Variants in TNRC6C observed in about 807,000 individuals in gnomAD.
TNRC6C encodes trinucleotide repeat containing adaptor 6C.
Under a neutral mutation model 153.7 loss-of-function variants are expected in TNRC6C, and 20 were observed. That is an observed-to-expected ratio of 0.13 (90% confidence interval 0.09 to 0.19). The LOEUF (loss-of-function observed/expected upper bound fraction) is 0.19. Ranked by LOEUF, TNRC6C falls within the 10% of genes least tolerant of loss-of-function variation. TNRC6C has a pLI of 1.00. For missense variants in TNRC6C, 1,987 were observed against 2,172.0 expected (o/e 0.91, Z 1.69); for synonymous variants, 811 against 841.4 (o/e 0.96, Z 0.63).
At chr17:78,099,903 C>T (rs1481976155) in intron 17 of TNRC6C, among the ~76,000 whole-genome samples, 3 of 152,332 alleles carry the variant, frequency 2.0e-5, no homozygotes, top group Admixed American at 6.5e-5. Context: ...AATGGGGGTA[C>T]AGGCATTGGG....
intron 3 of TNRC6C, among the ~76,000 whole-genome samples, chr17:78,057,203 T>A (rs74934233): frequency 0.012 from 1,756 of 152,316 alleles, 31 homozygotes; most frequent in African/African-American, 0.04. Context: ...TTTATAACAT[T>A]AATCTCTTTT....
At chr17:77,997,930 A>G (rs147895676) in intron 1 of TNRC6C, among the ~76,000 whole-genome samples, 6,553 of 152,282 alleles carry the variant, frequency 0.043, 457 homozygotes, top group African/African-American at 0.15. Flanking sequence ...CTGGGATTAC[A>G]GGCGTGAGCC....
chr17:78,050,605 G>A, exon 3 of TNRC6C: 3 of 1,582,332 alleles, frequency 1.9e-6, no homozygotes, highest in Non-Finnish European at 2.6e-6. Context: ...CGCGCCACCT[G>A]CCGCTGTGCC....
At chr17:78,091,673 A>G (rs3764377) in intron 14 of TNRC6C, 66 bp downstream of exon 16, 104,397 of 1,331,088 alleles carry the variant, frequency 0.078, 4,665 homozygotes, top group East Asian at 0.19. Flanking sequence ...GTCCTGTTGT[A>G]TAGCATGGCC....
chr17:77,995,205 C>T (rs141506422), intron 1 of TNRC6C, among the ~76,000 whole-genome samples: 2 of 152,310 alleles, frequency 1.3e-5, no homozygotes, highest in African/African-American at 2.4e-5. Flanking sequence ...CCATGGCTCA[C>T]GGGGTGGCAG....
intron 1 of TNRC6C, among the ~76,000 whole-genome samples, chr17:77,988,179 C>G (rs762160107): frequency 6.6e-6 from 1 of 151,990 alleles, no homozygotes; most frequent in Non-Finnish European, 1.5e-5. Context: ...GGGTGAGACT[C>G]CGTCTCAAAA....
exon 13 of TNRC6C, chr17:78,087,080 T>C (rs1051489761): frequency 6.2e-7 from 1 of 1,612,028 alleles, no homozygotes; most frequent in South Asian, 1.1e-5. Context: ...ACACCTTTGC[T>C]CCTTACCCTC....
chr17:78,049,036 T>G lies in TNRC6C; in HGVS notation c.-27T>G. On this transcript the variant is annotated 5_prime_UTR_variant, in exon 3 of 20. Transcript: ENST00000301624. The surrounding 1 kb of genome is among the most constrained non-coding windows in gnomAD (Gnocchi z 4.1). Reference sequence around the variant, plus strand: ...ATGTACTACAGACACTGACTCTGCCTCCAACTGTGGCTCAGAGAACAGTAG... The same window carrying G: ...ATGTACTACAGACACTGACTCTGCCGCCAACTGTGGCTCAGAGAACAGTAG... 6.7e-7 allele frequency: 1 copy of G among 1,489,452 alleles called. No homozygotes were observed. The highest frequency in any genetic ancestry group is 8.9e-7 in the Non-Finnish European group (1 of 1,119,954). The allele number at this position is 1,489,452 out of a possible 1,614,324, so 92.3% of individuals were successfully genotyped here.
intron 1 of TNRC6C, among the ~76,000 whole-genome samples, chr17:78,006,491 CTTTCTTCTT>C (rs1480792664): frequency 6.7e-5 from 9 of 134,714 alleles, no homozygotes; most frequent in Admixed American, 3.7e-4. Flanking sequence ...TCTTCTTCTT[CTTTCTTCTT>C]CTTCTTCTTC....
chr17:78,034,551 A>G (rs541889172), intron 2 of TNRC6C, among the ~76,000 whole-genome samples: 44 of 151,872 alleles, frequency 2.9e-4, no homozygotes, highest in Middle Eastern at 6.8e-3. Flanking sequence ...CTGTTCTCAC[A>G]GGTGTAATAT....
At chr17:77,963,383 T>C (rs1220229633) in intron 1 of TNRC6C, among the ~76,000 whole-genome samples, 1 of 152,260 alleles carries the variant, frequency 6.6e-6, no homozygotes, top group East Asian at 1.9e-4. Context: ...AAGTAAATTA[T>C]GTAATTTTAA....
intron 1 of TNRC6C, among the ~76,000 whole-genome samples, chr17:77,960,163 A>G (rs1243233669): frequency 1.3e-5 from 2 of 152,106 alleles, no homozygotes; most frequent in Non-Finnish European, 2.9e-5. Context: ...GTTGTCTCAA[A>G]CCTTTGCCTC....
intron 1 of TNRC6C, among the ~76,000 whole-genome samples, chr17:78,007,864 C>T (rs1312817258): frequency 1.3e-5 from 2 of 152,234 alleles, no homozygotes. Context: ...TGCAATATTA[C>T]ACACCACTCA....
intron 2 of TNRC6C, among the ~76,000 whole-genome samples, chr17:78,042,724 A>C (rs1052587080): frequency 2.0e-5 from 3 of 151,736 alleles, no homozygotes; most frequent in Non-Finnish European, 4.4e-5. Flanking sequence ...TGGTGGAGAT[A>C]ACAATGATGG....
chr17:78,092,720 T>G (rs1429761583), intron 14 of TNRC6C, among the ~76,000 whole-genome samples: 1 of 151,900 alleles, frequency 6.6e-6, no homozygotes, highest in Non-Finnish European at 1.5e-5. Flanking sequence ...GGCCACAGAG[T>G]GAGAAGTTGT....
chr17:78,028,137 T>C (rs539847546), intron 1 of TNRC6C, among the ~76,000 whole-genome samples: 2 of 152,140 alleles, frequency 1.3e-5, no homozygotes, highest in African/African-American at 2.4e-5. Flanking sequence ...CCTTGTGATC[T>C]GCCCGCCTCG....
intron 2 of TNRC6C, among the ~76,000 whole-genome samples, chr17:78,032,212 A>G (rs2072090102): frequency 6.6e-6 from 1 of 152,194 alleles, no homozygotes; most frequent in South Asian, 2.1e-4. Flanking sequence ...GAGTGCACAC[A>G]AGCATTTTTT....
intron 3 of TNRC6C, among the ~76,000 whole-genome samples, chr17:78,061,105 T>C (rs1396090734): frequency 6.6e-6 from 1 of 152,208 alleles, no homozygotes; most frequent in Admixed American, 6.5e-5. Flanking sequence ...TCTCTGTTTG[T>C]TAATTTGAAG....
intron 2 of TNRC6C, among the ~76,000 whole-genome samples, chr17:78,036,921 TAA>T (rs879837370): frequency 7.1e-6 from 1 of 140,414 alleles, no homozygotes; most frequent in Admixed American, 7.1e-5. Flanking sequence ...AAGATTCCAT[TAA>T]AAAAAAAAAA....
Sources: allele counts gnomAD v4.1 joint callset (sites outside exome capture counted in the v4.1 genomes callset), GRCh38; gene constraint gnomAD v4.1.1; non-coding constraint Gnocchi (gnomAD v3.1); transcripts MANE v1.5; gene names NCBI Gene and HGNC (gene_info 2026-07-23, HGNC 2026-07-21).